SDK1: variants seen among roughly 807,000 people sequenced by gnomAD.
SDK1 encodes the protein sidekick cell adhesion molecule 1.
A neutral mutation model predicts 245.5 loss-of-function variants in SDK1; 157 were observed. The observed-to-expected ratio is 0.64, with a 90% CI of 0.56 to 0.73. SDK1 has a LOEUF of 0.73. Among genes scored for constraint, SDK1 ranks in the 30% least tolerant of loss-of-function variants. The pLI is 0.00. For synonymous variants in SDK1, 1,647 were observed against 1,278.5 expected (o/e 1.29, Z -6.15); for missense variants, 3,583 against 3,002.3 (o/e 1.19, Z -4.52).
chr7:3,983,639 C>T (rs960931998), intron 13 of SDK1, among the ~76,000 whole-genome samples: 20 of 152,130 alleles, frequency 1.3e-4, no homozygotes, highest in Admixed American at 9.2e-4. Flanking sequence ...TTGTGGTGGT[C>T]GGGAACTGAA....
intron 5 of SDK1, among the ~76,000 whole-genome samples, chr7:3,848,667 GTCTTT>G (rs981827010): frequency 3.3e-5 from 5 of 151,596 alleles, no homozygotes; most frequent in African/African-American, 9.7e-5. Context: ...CTATAGAGTT[GTCTTT>G]TCTTTTTTTT....
At chr7:3,514,258 T>G (rs1782666983) in intron 1 of SDK1, among the ~76,000 whole-genome samples, 9 of 152,218 alleles carry the variant, frequency 5.9e-5, no homozygotes, top group Admixed American at 5.9e-4. Context: ...ATTTTAGAAG[T>G]AGACTATGTT....
intron 5 of SDK1, among the ~76,000 whole-genome samples, chr7:3,831,893 CA>C (rs148524390): frequency 3.3e-5 from 5 of 151,408 alleles, no homozygotes; most frequent in African/African-American, 9.7e-5. Context: ...ACAACAAAAA[CA>C]AAAAAAACGT....
At chr7:4,077,302 T>A in intron 21 of SDK1, 113 bp downstream of exon 21, 1 of 993,264 alleles carries the variant, frequency 1.0e-6, no homozygotes, top group Non-Finnish European at 1.5e-6. Context: ...TGAAAAGGAG[T>A]AGTGGCCTCC....
intron 4 of SDK1, among the ~76,000 whole-genome samples, chr7:3,646,400 T>C (rs1354366307): frequency 6.6e-6 from 1 of 152,252 alleles, no homozygotes; most frequent in Non-Finnish European, 1.5e-5. Context: ...ATTAATAATC[T>C]TAACAGGAGC....
intron 30 of SDK1, among the ~76,000 whole-genome samples, chr7:4,154,246 G>C (rs189597946): frequency 5.5e-4 from 84 of 152,342 alleles, no homozygotes; most frequent in African/African-American, 1.8e-3. Flanking sequence ...GTCCGAGGCA[G>C]TACGAGTACA....
chr7:3,363,107 T>C (rs957399326), intron 1 of SDK1, among the ~76,000 whole-genome samples: 2 of 152,208 alleles, frequency 1.3e-5, no homozygotes, highest in Non-Finnish European at 2.9e-5. Context: ...ATCTCTCATG[T>C]TGCCCTTCTG....
chr7:4,179,637 A>G (rs1265794996), intron 35 of SDK1, among the ~76,000 whole-genome samples: 2 of 151,848 alleles, frequency 1.3e-5, no homozygotes, highest in Non-Finnish European at 2.9e-5. Context: ...CAAAGGGGTC[A>G]CTCAGAGCCA....
chr7:4,152,379 C>T (rs150448985), intron 30 of SDK1, among the ~76,000 whole-genome samples: 85 of 152,288 alleles, frequency 5.6e-4, no homozygotes, highest in Middle Eastern at 3.4e-3. Context: ...TGGCCAGGTG[C>T]GCCCAGCCTG....
At chr7:3,634,617 C>G (rs1562618801) in intron 2 of SDK1, among the ~76,000 whole-genome samples, 1 of 152,122 alleles carries the variant, frequency 6.6e-6, no homozygotes, top group Non-Finnish European at 1.5e-5. Context: ...TATAAAGAGC[C>G]AGGAAACTTT....
At chr7:3,978,554 T>C (rs1005618532) in intron 13 of SDK1, among the ~76,000 whole-genome samples, 5 of 152,200 alleles carry the variant, frequency 3.3e-5, no homozygotes, top group Non-Finnish European at 7.3e-5. Context: ...AAGGCTCCTC[T>C]ATCCCAAACC....
At chr7:3,792,065 C>T (rs1296927900) in intron 4 of SDK1, among the ~76,000 whole-genome samples, 1 of 152,046 alleles carries the variant, frequency 6.6e-6, no homozygotes, top group East Asian at 1.9e-4. Flanking sequence ...GAGTTCAAGG[C>T]TGCAGTGAGT....
chr7:4,166,754 C>G (rs1228675904), intron 32 of SDK1, among the ~76,000 whole-genome samples: 1 of 152,232 alleles, frequency 6.6e-6, no homozygotes, highest in East Asian at 1.9e-4. Context: ...TCTGCCTGAA[C>G]TCGCAGGAGA....
chr7:3,575,097 C>T (rs1395009673), intron 1 of SDK1, among the ~76,000 whole-genome samples: 1 of 152,064 alleles, frequency 6.6e-6, no homozygotes, highest in Non-Finnish European at 1.5e-5. Flanking sequence ...TGACATCTGC[C>T]ACCTGACTGC....
intron 1 of SDK1, among the ~76,000 whole-genome samples, chr7:3,417,871 T>G (rs1476690089): frequency 6.6e-6 from 1 of 152,092 alleles, no homozygotes; most frequent in Non-Finnish European, 1.5e-5. Flanking sequence ...CATTGGATGT[T>G]TTACAAAGAA....
intron 1 of SDK1, among the ~76,000 whole-genome samples, chr7:3,419,094 T>C (rs145585367): frequency 6.6e-6 from 1 of 152,236 alleles, no homozygotes; most frequent in Admixed American, 6.5e-5. Context: ...CTGCATTTGA[T>C]TGAAATGCAT....
chr7:3,781,949 A>G lies in SDK1; in HGVS notation c.714-39501A>G, dbSNP rs78890011. ...CTGTCAAGAGATGACACCTTTGTAT[A>G]ATGTGAATTAAGGACAGCAGAGAGA... On this transcript the variant is annotated intron_variant, in intron 4 of 44. Coordinates refer to ENST00000404826, the MANE Select transcript of SDK1 (RefSeq NM_152744.4). Among the ~76,000 whole-genome samples the G allele has an allele frequency of 5.5e-3, 843 of 152,310 alleles. 9 individuals are homozygous for G. The highest frequency in any genetic ancestry group is 0.019 in the African/African-American group (808 of 41,558).
At chr7:3,441,639 T>C (rs1317024641) in intron 1 of SDK1, among the ~76,000 whole-genome samples, 1 of 152,210 alleles carries the variant, frequency 6.6e-6, no homozygotes, top group Non-Finnish European at 1.5e-5. Context: ...CAGGTATCAT[T>C]AGCCTCCCAA....
At chr7:3,724,750 G>A (rs1009964997) in intron 4 of SDK1, among the ~76,000 whole-genome samples, 6 of 152,158 alleles carry the variant, frequency 3.9e-5, no homozygotes, top group African/African-American at 1.2e-4. Flanking sequence ...CTCGCCTGCA[G>A]TCAGCTTTCG....
Sources: gnomAD v4.1 joint callset for allele counts (sites outside exome capture counted in the v4.1 genomes callset) on GRCh38, gnomAD v4.1.1 for gene constraint, MANE v1.5 for transcripts, NCBI Gene and HGNC (gene_info 2026-07-23, HGNC 2026-07-21) for gene names.